Variants in MYO3B observed in about 807,000 individuals in gnomAD.
MYO3B encodes myosin IIIB.
MYO3B carries 156 observed loss-of-function variants against 174.6 expected under a neutral mutation model. The observed-to-expected ratio is 0.89, with a 90% CI of 0.78 to 1.02. The LOEUF (loss-of-function observed/expected upper bound fraction) is 1.02. MYO3B is among the 50% of genes least tolerant of loss of function. The pLI is 0.00. For missense variants in MYO3B, 1,632 were observed against 1,639.4 expected (o/e 1.00, Z 0.08); for synonymous variants, 563 against 569.1 (o/e 0.99, Z 0.15).
chr2:170,416,825 T>TTTTG (rs2094583094), intron 22 of MYO3B, among the ~76,000 whole-genome samples: 1 of 15,694 alleles, frequency 6.4e-5, no homozygotes, highest in South Asian at 1.4e-3. Flanking sequence ...GTTGTTTTTT[T>TTTTG]TTTTTTTTTT....
chr2:170,629,467 C>A (rs772539596), intron 32 of MYO3B, among the ~76,000 whole-genome samples: 1 of 152,208 alleles, frequency 6.6e-6, no homozygotes, highest in Non-Finnish European at 1.5e-5. Context: ...AGTACCATCA[C>A]CATCTAAAAA....
At chr2:170,390,014 C>T (rs891346768) in intron 14 of MYO3B, among the ~76,000 whole-genome samples, 6 of 150,424 alleles carry the variant, frequency 4.0e-5, no homozygotes, top group Non-Finnish European at 7.4e-5. Context: ...GTATCCCTGG[C>T]ACCTGGTATA....
rs192315915 is a variant in MYO3B, at chr2:170,519,326, C to T, written c.3473-112C>T. The T allele has an allele frequency of 3.8e-4, 264 of 689,860 alleles. No homozygotes were observed. In the African/African-American group the frequency reaches 3.9e-3, roughly 10 times the overall value. 42.7% of individuals were successfully genotyped at this position (689,860 alleles called of 1,614,324 possible). A position where few individuals can be genotyped will look rare whatever the true frequency, so the allele number is the denominator to read the frequency against. On this transcript the variant is annotated intron_variant, in intron 29 of 34. Coordinates refer to ENST00000408978, the MANE Select transcript of MYO3B (RefSeq NM_138995.5). The stretch of plus-strand genomic sequence containing the variant: ...TAGAAAAAAAACCTATAGAAAGTCA[C>T]GGAGTGGTATGAGGGCAGGGAGAGA...
chr2:170,318,850 C>A (rs1295343869), intron 7 of MYO3B, among the ~76,000 whole-genome samples: 1 of 152,090 alleles, frequency 6.6e-6, no homozygotes, highest in Non-Finnish European at 1.5e-5. Context: ...GAAATCTCAC[C>A]AAGTGAGCTT....
chr2:170,324,592 AAG>A (rs2093851586), intron 7 of MYO3B, among the ~76,000 whole-genome samples: 1 of 152,178 alleles, frequency 6.6e-6, no homozygotes, highest in African/African-American at 2.4e-5. Context: ...TCTTTTTTTA[AAG>A]AGCGTTGTAA....
chr2:170,340,309 C>G (rs2093969181), intron 8 of MYO3B: 1 of 152,182 alleles, frequency 6.6e-6, no homozygotes, highest in African/African-American at 2.4e-5. Context: ...ATGGATTTCT[C>G]TTGGTCAAGG....
intron 32 of MYO3B, chr2:170,641,107 C>T (rs1697915821): frequency 6.6e-6 from 1 of 152,210 alleles, no homozygotes; most frequent in South Asian, 2.1e-4. Context: ...CCTGTTCCGT[C>T]CACTTTACAT....
chr2:170,186,333 T>A (rs1834188), intron 1 of MYO3B, among the ~76,000 whole-genome samples: 1 of 151,946 alleles, frequency 6.6e-6, no homozygotes. Context: ...TATCATGAAG[T>A]GATGTTGAGT....
At chr2:170,437,789 A>G (rs1341376134) in intron 22 of MYO3B, among the ~76,000 whole-genome samples, 1 of 152,024 alleles carries the variant, frequency 6.6e-6, no homozygotes, top group South Asian at 2.1e-4. Context: ...CAGTCTACTA[A>G]TCAGTGTCTG....
At chr2:170,402,073 A>G (rs2094481186) in intron 18 of MYO3B, among the ~76,000 whole-genome samples, 1 of 152,202 alleles carries the variant, frequency 6.6e-6, no homozygotes, top group Non-Finnish European at 1.5e-5. Flanking sequence ...AGTATTTGAG[A>G]GAATAGTCTT....
chr2:170,410,592 G>GAAAAAAAAAAAA (rs59296953), intron 22 of MYO3B, among the ~76,000 whole-genome samples: 4 of 112,514 alleles, frequency 3.6e-5, no homozygotes, highest in East Asian at 2.8e-4. Flanking sequence ...CAAAAAAAAA[G>GAAAAAAAAAAAA]AAAAAAAAAA....
intron 30 of MYO3B, among the ~76,000 whole-genome samples, chr2:170,539,385 C>T (rs865857578): frequency 2.6e-5 from 4 of 152,162 alleles, no homozygotes; most frequent in African/African-American, 7.2e-5. Context: ...ATATTACATA[C>T]TTCATGTTGC....
In MYO3B at chr2:170,547,342, AAAG is replaced by A. The variant is rs570994585; in HGVS notation, c.3733+3358_3733+3360del. ...AAGACTCTGTCTCAAAAAAAAAAAA[AAAG>A]AAGTGTCCCTAAACTGGCCCATGTG... On this transcript the variant is annotated intron_variant, in intron 32 of 34. Coordinates refer to ENST00000408978, the MANE Select transcript of MYO3B (RefSeq NM_138995.5). Among the ~76,000 whole-genome samples the A allele has an allele frequency of 5.0e-3, 722 of 145,768 alleles. 7 individuals carry two copies. The highest frequency in any genetic ancestry group is 0.015 in the African/African-American group (612 of 40,988).
At chr2:170,618,925 G>A (rs1695645837) in intron 32 of MYO3B, among the ~76,000 whole-genome samples, 1 of 152,170 alleles carries the variant, frequency 6.6e-6, no homozygotes, top group African/African-American at 2.4e-5. Context: ...TTCTAACAGA[G>A]CCTTAAAACA....
Position 170,469,828 on chromosome 2 carries a change from C to A in MYO3B, c.3014+3117C>A, listed in dbSNP as rs563317249. On this transcript the variant is annotated intron_variant, in intron 25 of 34. Coordinates refer to ENST00000408978, the MANE Select transcript of MYO3B (RefSeq NM_138995.5). The stretch of plus-strand genomic sequence containing the variant: ...TTTGAAAGTATACAATTCAGCCGGG[C>A]ACGGTGGCTCACACCTGTAATCCCA... Among the ~76,000 whole-genome samples, 6 of 152,172 alleles carry A rather than the reference C, an allele frequency of 3.9e-5. No individual in the cohort carries two copies. In the South Asian group the frequency reaches 1.2e-3, roughly 32 times the overall value.
intron 23 of MYO3B, among the ~76,000 whole-genome samples, chr2:170,457,301 T>C (rs551018582): frequency 6.6e-5 from 10 of 152,342 alleles, no homozygotes; most frequent in African/African-American, 2.4e-4. Flanking sequence ...CTTTAACTTT[T>C]TTTTATGAAC....
chr2:170,627,755 T>C (rs991861969), intron 32 of MYO3B, among the ~76,000 whole-genome samples: 3 of 151,048 alleles, frequency 2.0e-5, no homozygotes, highest in South Asian at 2.1e-4. Flanking sequence ...TGTTTGTTAG[T>C]TTTCCTTCTA....
Position 170,214,406 on chromosome 2 carries a change from C to T in MYO3B, c.349C>T (p.Leu117Phe), listed in dbSNP as rs1412052551. The change falls in exon 4 of 35, where the codon CTT (leucine) becomes TTT (phenylalanine). Residue 117 changes from leucine (L) to phenylalanine (F), a missense_variant. By Grantham distance (22) the Leu-to-Phe change is conservative. Coordinates refer to ENST00000408978, the MANE Select transcript of MYO3B (RefSeq NM_138995.5). ...ELCNGGSVTE[L>F]VKGLLRCGQR... Reference sequence around the variant, plus strand: ...GTGTAATGGGGGCTCAGTCACTGAGCTTGTCAAAGGTCTACTCAGATGTGG... The same window carrying T: ...GTGTAATGGGGGCTCAGTCACTGAGTTTGTCAAAGGTCTACTCAGATGTGG... 6.2e-7 allele frequency: 1 copy of T among 1,614,112 alleles called. No individual in the cohort carries two copies. Among genetic ancestry groups the T allele is most frequent in the Admixed American group, 1.7e-5 (1 of 60,020 alleles).
In MYO3B at chr2:170,329,506, G is replaced by C. The variant is rs1048283639; in HGVS notation, c.750-5879G>C. ...AGTGATTCTTCTGCCTCAGCTTCCC[G>C]AGTAGCTGGGATTACAGGTGCAGGC... On this transcript the variant is annotated intron_variant, in intron 7 of 34. Transcript: ENST00000408978. Among the ~76,000 whole-genome samples the C allele has an allele frequency of 9.7e-4, 146 of 150,650 alleles. 1 individual carries two copies. Among genetic ancestry groups the C allele is most frequent in the Non-Finnish European group, 8.1e-4 (55 of 67,740 alleles).
Sources: gnomAD v4.1 joint callset for allele counts (sites outside exome capture counted in the v4.1 genomes callset) on GRCh38, gnomAD v4.1.1 for gene constraint, MANE v1.5 for transcripts, NCBI Gene and HGNC (gene_info 2026-07-23, HGNC 2026-07-21) for gene names.